CALN1: variants seen among roughly 807,000 people sequenced by gnomAD.
CALN1 encodes calneuron 1, also known as calcium-binding protein 8.
A neutral mutation model predicts 30.6 loss-of-function variants in CALN1; 17 were observed. The observed-to-expected ratio is 0.56, with a 90% CI of 0.38 to 0.83. CALN1 has a LOEUF of 0.83. Among genes scored for constraint, CALN1 ranks in the 40% least tolerant of loss-of-function variants. The pLI is 0.00. For synonymous variants in CALN1, 156 were observed against 131.4 expected (o/e 1.19, Z -1.28); for missense variants, 291 against 354.9 (o/e 0.82, Z 1.45).
chr7:72,230,619 C>G (rs762268921), intron 3 of CALN1, among the ~76,000 whole-genome samples: 1 of 152,048 alleles, frequency 6.6e-6, no homozygotes, highest in Non-Finnish European at 1.5e-5. Context: ...CTAAGGAATG[C>G]AGGCAGACTC....
chr7:71,790,683 A>C (rs746747808), intron 6 of CALN1, among the ~76,000 whole-genome samples: 4 of 152,224 alleles, frequency 2.6e-5, no homozygotes, highest in Non-Finnish European at 5.9e-5. Context: ...GCGCCAGCTG[A>C]GAGTTTGATA....
intron 5 of CALN1, among the ~76,000 whole-genome samples, chr7:71,951,747 A>G (rs1157431595): frequency 6.6e-6 from 1 of 152,194 alleles, no homozygotes; most frequent in African/African-American, 2.4e-5. Flanking sequence ...TACCCTACTA[A>G]GACAAAACTG....
intron 5 of CALN1, among the ~76,000 whole-genome samples, chr7:71,816,513 A>G (rs1788273501): frequency 6.6e-6 from 1 of 152,236 alleles, no homozygotes; most frequent in Admixed American, 6.5e-5. Context: ...AAGACTCAGA[A>G]AATGAGTAAC....
chr7:71,984,559 G>C (rs1370192201), intron 5 of CALN1, among the ~76,000 whole-genome samples: 1 of 152,210 alleles, frequency 6.6e-6, no homozygotes, highest in African/African-American at 2.4e-5. Context: ...CCAGCCTCCA[G>C]TGACTCATGA....
At chr7:71,792,258 A>AT in intron 6 of CALN1, among the ~76,000 whole-genome samples, 1 of 152,156 alleles carries the variant, frequency 6.6e-6, no homozygotes, top group Non-Finnish European at 1.5e-5. Context: ...TCAGCCTGGG[A>AT]TAAACTGTAA....
chr7:72,295,874 G>A (rs1054502488), intron 2 of CALN1, among the ~76,000 whole-genome samples: 39 of 151,706 alleles, frequency 2.6e-4, no homozygotes, highest in African/African-American at 9.4e-4. Context: ...CTGCCTAACT[G>A]CCCTGGCCAG....
rs1802507112 is a variant in CALN1 at position 72,344,123 on chromosome 7, G to A, written c.119+59128C>T. ...GCAGTGGCTTGATTTCAGAAAGGAA[G>A]AGAGAGACAGGGAGAAAAAGAGAGG... On this transcript the variant is annotated intron_variant, in intron 2 of 6. Transcript: ENST00000395275. Among the ~76,000 whole-genome samples the A allele has an allele frequency of 3.9e-5, 6 of 152,062 alleles. No individual in the cohort carries two copies. In the South Asian group the frequency reaches 1.2e-3, roughly 32 times the overall value.
At chr7:72,087,723 A>G (rs571461919) in intron 4 of CALN1, among the ~76,000 whole-genome samples, 1 of 152,318 alleles carries the variant, frequency 6.6e-6, no homozygotes, top group South Asian at 2.1e-4. Context: ...ATAGAGAAAG[A>G]ACAGCTATGA....
At chr7:72,421,809 C>T (rs764059105) in intron 1 of CALN1, among the ~76,000 whole-genome samples, 5 of 151,896 alleles carry the variant, frequency 3.3e-5, no homozygotes, top group Non-Finnish European at 7.4e-5. Flanking sequence ...AGGCTGGTCT[C>T]GATCTCCTGA....
chr7:72,232,439 T>C (rs574011828), intron 3 of CALN1, among the ~76,000 whole-genome samples: 2 of 150,950 alleles, frequency 1.3e-5, no homozygotes, highest in South Asian at 2.1e-4. Context: ...AATGGACTCG[T>C]AGAAAGCTTT....
intron 5 of CALN1, among the ~76,000 whole-genome samples, chr7:71,861,522 T>C (rs907221865): frequency 6.6e-6 from 1 of 151,764 alleles, no homozygotes; most frequent in Non-Finnish European, 1.5e-5. Context: ...ACACCTGTAA[T>C]CCCAACACGT....
rs74424871 is a variant in CALN1, at chr7:71,788,215, C to T, written c.659-313G>A. 5.2e-3 allele frequency among the ~76,000 whole-genome samples: 793 copies of T among 152,192 alleles called. 16 individuals are homozygous for T. The East Asian group carries it at 0.087, about 17-fold the overall frequency. ...TAGAGCCAGAGTGACTTTCAGAGCCCGGAAATATGGGACATTCCAGGGTGA... is the reference window on the plus strand; with the variant it reads ...TAGAGCCAGAGTGACTTTCAGAGCCTGGAAATATGGGACATTCCAGGGTGA... On this transcript the variant is annotated intron_variant, in intron 6 of 6. Coordinates refer to ENST00000395275, the MANE Select transcript of CALN1 (RefSeq NM_031468.4).
chr7:71,860,566 T>A (rs997213443), intron 5 of CALN1, among the ~76,000 whole-genome samples: 1 of 152,162 alleles, frequency 6.6e-6, no homozygotes, highest in Non-Finnish European at 1.5e-5. Context: ...CCTGAATTCT[T>A]TCTTGGGTGA....
At chr7:72,263,130 A>G (rs1377438286) in intron 3 of CALN1, among the ~76,000 whole-genome samples, 1 of 152,198 alleles carries the variant, frequency 6.6e-6, no homozygotes, top group Admixed American at 6.5e-5. Context: ...TTCCATCATA[A>G]TAAGCATCAT....
chr7:72,023,880 A>G (rs1438724044), intron 4 of CALN1, 111 bp from the exon 5 acceptor site: 1 of 658,402 alleles, frequency 1.5e-6, no homozygotes, highest in East Asian at 2.6e-5. Context: ...TCAATCAATG[A>G]AGAAGAGCTG....
At chr7:72,406,940 G>C (rs1585681925) in intron 1 of CALN1, among the ~76,000 whole-genome samples, 1 of 152,034 alleles carries the variant, frequency 6.6e-6, no homozygotes, top group Non-Finnish European at 1.5e-5. Context: ...ATTCCAATAG[G>C]TGACCTACCC....
chr7:72,093,118 T>C (rs1805986954), intron 4 of CALN1, among the ~76,000 whole-genome samples: 1 of 152,198 alleles, frequency 6.6e-6, no homozygotes, highest in Admixed American at 6.5e-5. Flanking sequence ...CCAATCAATA[T>C]ATTTAAAAAA....
chr7:72,189,785 A>G (rs924552697), intron 3 of CALN1, among the ~76,000 whole-genome samples: 11 of 151,856 alleles, frequency 7.2e-5, no homozygotes, highest in Non-Finnish European at 1.3e-4. Flanking sequence ...AAAAAAAAAA[A>G]AATTTACTAT....
intron 5 of CALN1, among the ~76,000 whole-genome samples, chr7:72,018,861 G>A (rs1338502755): frequency 6.6e-6 from 1 of 152,090 alleles, no homozygotes; most frequent in Non-Finnish European, 1.5e-5. Context: ...TTTTGAGACA[G>A]GGTCTTGCTC....
Sources: gnomAD v4.1 joint callset for allele counts (sites outside exome capture counted in the v4.1 genomes callset) on GRCh38, gnomAD v4.1.1 for gene constraint, MANE v1.5 for transcripts, NCBI Gene and HGNC (gene_info 2026-07-23, HGNC 2026-07-21) for gene names.